ZFYVE27: variants seen among roughly 807,000 people sequenced by gnomAD.
ZFYVE27 encodes the protein protrudin.
Under a neutral mutation model 52.8 loss-of-function variants are expected in ZFYVE27, and 36 were observed. The ratio of observed to expected loss-of-function variants is 0.68; its 90% CI spans 0.52 to 0.90. The LOEUF (loss-of-function observed/expected upper bound fraction) is 0.90. Among genes scored for constraint, ZFYVE27 ranks in the 40% least tolerant of loss-of-function variants. The pLI, the probability that ZFYVE27 is intolerant of heterozygous loss-of-function variation, is 0.00. For missense variants in ZFYVE27, 450 were observed against 527.2 expected, an observed-to-expected ratio of 0.85 and a Z score of 1.43; for synonymous variants, 223 against 215.6, an observed-to-expected ratio of 1.03 and a Z score of -0.30.
At position 97,752,839 on chromosome 10, in the gene ZFYVE27, C is replaced by G. The variant is rs192276140; in HGVS notation, c.877-18C>G. 1 of 1,613,858 alleles carries G rather than the reference C, an allele frequency of 6.2e-7. No homozygotes were observed. The highest frequency in any genetic ancestry group is 1.1e-5 in the South Asian group (1 of 91,048). ...TTCTTTCTGTTTTCTCTCCTCTTCC[C>G]CGCACCTTGGGAGGCAGGAGACCCA... On this transcript the variant is annotated intron_variant, in intron 8 of 12. Coordinates refer to ENST00000684270, the MANE Select transcript of ZFYVE27 (RefSeq NM_001385875.1).
chr10:97,753,144 C>T lies in ZFYVE27; in HGVS notation c.1004C>T (p.Thr335Met). The T allele has an allele frequency of 6.2e-7, 1 of 1,611,920 alleles. No homozygotes were observed. The highest frequency in any genetic ancestry group is 8.5e-7 in the Non-Finnish European group (1 of 1,179,468). Residue 335 changes from threonine to methionine, a missense_variant, in exon 10 of 13, where the codon ACG (threonine) becomes ATG (methionine). Thr to Met is a moderately conservative substitution (Grantham distance 81). Transcript: ENST00000684270. ...EVLRSKVSRL[T>M]ERLRKRYPTN... The stretch of plus-strand genomic sequence containing the variant: ...CTGCGCAGCAAGGTGTCTCGGCTCA[C>T]GGAGCGGCTCCGCAAGCGCTACCCC...
chr10:97,744,937 G>T (rs767759555), intron 4 of ZFYVE27, 22 bp downstream of exon 4: 2 of 1,548,670 alleles, frequency 1.3e-6, no homozygotes, highest in East Asian at 4.8e-5. Context: ...AGAGAGGCCA[G>T]GGAGGTGGGG....
rs1345361925 is a variant in ZFYVE27 at position 97,753,018 on chromosome 10, G to A, written c.898-20G>A. Reference sequence around the variant, plus strand: ...AGCCTTGCAAGAGGTGGGCAGGACTGGAAGGAGCTGTTCCCACAGGAGGAT... The same window carrying A: ...AGCCTTGCAAGAGGTGGGCAGGACTAGAAGGAGCTGTTCCCACAGGAGGAT... On this transcript the variant is annotated intron_variant, in intron 9 of 12. Coordinates refer to ENST00000684270, the MANE Select transcript of ZFYVE27 (RefSeq NM_001385875.1). The A allele has an allele frequency of 1.2e-6, 2 of 1,612,660 alleles. No individual in the cohort carries two copies. Among genetic ancestry groups the A allele is most frequent in the Non-Finnish European group, 1.7e-6 (2 of 1,179,484 alleles).
At chr10:97,757,817 A>G (rs1175870659) in intron 12 of ZFYVE27, 94 bp downstream of exon 12, 1 of 1,315,634 alleles carries the variant, frequency 7.6e-7, no homozygotes, top group Non-Finnish European at 1.1e-6. Context: ...AGGTCAAGGG[A>G]ACTTGGGATT....
chr10:97,750,562 G>A, intron 7 of ZFYVE27, 92 bp downstream of exon 7: 3 of 1,559,736 alleles, frequency 1.9e-6, no homozygotes, highest in Non-Finnish European at 2.6e-6. Flanking sequence ...GGCCTCTGTT[G>A]TAGTTCCTGC....
chr10:97,738,834 A>G (rs1393317590), intron 2 of ZFYVE27, 160 bp downstream of exon 2: 2 of 758,766 alleles, frequency 2.6e-6, no homozygotes, highest in East Asian at 2.7e-5. Context: ...ATCTAGGCCT[A>G]CCCTGTGTCT....
At chr10:97,744,358 C>G (rs898439728) in intron 3 of ZFYVE27, among the ~76,000 whole-genome samples, 4 of 152,226 alleles carry the variant, frequency 2.6e-5, no homozygotes, top group African/African-American at 9.6e-5. Context: ...TGTCAGGCAT[C>G]AGGAGCTCCT....
In ZFYVE27 at chr10:97,759,491, AATG is replaced by A; in HGVS notation, c.*192_*194del. The A allele has an allele frequency of 1.5e-6, 1 of 675,892 alleles. No individual in the cohort carries two copies. The highest frequency in any genetic ancestry group is 1.6e-5 in the South Asian group (1 of 60,968). 41.9% of individuals were successfully genotyped at this position (675,892 alleles called of 1,614,324 possible). On this transcript the variant is annotated 3_prime_UTR_variant, in exon 13 of 13. Transcript: ENST00000684270. ...TTCTCCATCCATGAGAGTGGCTGGCAATGGCTGCTCTCAATCCCTTGAGGGAGA... is the reference window on the plus strand; with the variant it reads ...TTCTCCATCCATGAGAGTGGCTGGCAGCTGCTCTCAATCCCTTGAGGGAGA...
intron 2 of ZFYVE27, among the ~76,000 whole-genome samples, chr10:97,739,621 G>A (rs1362821955): frequency 6.6e-6 from 1 of 152,112 alleles, no homozygotes; most frequent in African/African-American, 2.4e-5. Flanking sequence ...CCTATACTCA[G>A]TTCATATTCC....
chr10:97,752,962 C>T (rs1441165293), intron 9 of ZFYVE27, 76 bp from the exon 10 acceptor site: 22 of 1,612,634 alleles, frequency 1.4e-5, no homozygotes, highest in East Asian at 4.5e-5. Context: ...TGGGGGCTGC[C>T]GCGCAGGATG....
At chr10:97,755,721 C>T (rs1160228134) in intron 10 of ZFYVE27, among the ~76,000 whole-genome samples, 2 of 152,158 alleles carry the variant, frequency 1.3e-5, no homozygotes, top group Admixed American at 6.5e-5. Context: ...TGAGGGCAGA[C>T]TGCAAAGGAG....
intron 1 of ZFYVE27, 113 bp from the exon 2 acceptor site, chr10:97,738,364 A>G: frequency 2.6e-6 from 3 of 1,136,658 alleles, no homozygotes; most frequent in Non-Finnish European, 4.0e-6. Context: ...AGGTCTGAAT[A>G]GTTCACTTTC....
chr10:97,740,413 C>G (rs1179270213), intron 2 of ZFYVE27, among the ~76,000 whole-genome samples: 1 of 152,220 alleles, frequency 6.6e-6, no homozygotes, highest in Non-Finnish European at 1.5e-5. Flanking sequence ...CTTTTATAAT[C>G]TCAGCATGAT....
At position 97,743,097 on chromosome 10, in the gene ZFYVE27, G is replaced by A. The variant is rs1564809025; in HGVS notation, c.201G>A (p.Trp67Ter). The A allele has an allele frequency of 6.2e-7, 1 of 1,614,210 alleles. No individual in the cohort carries two copies. The highest frequency in any genetic ancestry group is 2.2e-5 in the East Asian group (1 of 44,886). The change falls in exon 3 of 13, where the codon TGG (tryptophan) becomes TGA (stop). Residue 67 changes from tryptophan (W) to a stop codon, truncating the protein, a stop_gained. Transcript: ENST00000684270. LOFTEE classifies it high-confidence loss of function. ...ATCAGGACTCTCTGTATTGTAGGTG[G>A]CAGATGCCTTTGTGTTCCTTGCTGA... ...AGDGVRYLLR[W>*]QMPLCSLLTC...
In ZFYVE27 at chr10:97,759,606, G is replaced by A; in HGVS notation, c.*306G>A. The stretch of plus-strand genomic sequence containing the variant: ...AGGGCTGGGCAGGCAGTAGCCACCA[G>A]AGGGCAGCAGCGAACTAGGCCAGGC... On this transcript the variant is annotated 3_prime_UTR_variant, in exon 13 of 13. Coordinates refer to ENST00000684270, the MANE Select transcript of ZFYVE27 (RefSeq NM_001385875.1). 2.2e-6 allele frequency: 1 copy of A among 465,080 alleles called. No homozygotes were observed. Among genetic ancestry groups the A allele is most frequent in the Non-Finnish European group, 4.0e-6 (1 of 250,776 alleles). 28.8% of individuals were successfully genotyped at this position (465,080 alleles called of 1,614,324 possible).
At chr10:97,750,795 C>T (rs2046766725) in intron 7 of ZFYVE27, among the ~76,000 whole-genome samples, 1 of 150,442 alleles carries the variant, frequency 6.6e-6, no homozygotes, top group Non-Finnish European at 1.5e-5. Flanking sequence ...GGCTAGAGGG[C>T]AGTGGGGCAA....
chr10:97,738,873 G>A (rs957147582), intron 2 of ZFYVE27, 199 bp downstream of exon 2: 1 of 619,200 alleles, frequency 1.6e-6, no homozygotes, highest in African/African-American at 1.8e-5. Context: ...GGCAGATACT[G>A]GGAATGATCC....
In ZFYVE27 at chr10:97,757,654, A is replaced by G; in HGVS notation, c.1102A>G (p.Asn368Asp). The G allele has an allele frequency of 6.2e-7, 1 of 1,614,190 alleles. No homozygotes were observed. The highest frequency in any genetic ancestry group is 1.1e-5 in the South Asian group (1 of 91,082). ...CTCTTGTCTGCAGCGGAGCTGCAGT[A>G]ATTGTGGAAACAGCTTCTGCTCTCG... ...SVLKKRRSCS[N>D]CGNSFCSRCC... Residue 368 changes from asparagine (N) to aspartate (D), a missense_variant, in exon 12 of 13, where the codon AAT becomes GAT. Coordinates refer to ENST00000684270, the MANE Select transcript of ZFYVE27 (RefSeq NM_001385875.1).
In ZFYVE27 at chr10:97,759,617, C is replaced by T. The variant is rs553215910; in HGVS notation, c.*317C>T. On this transcript the variant is annotated 3_prime_UTR_variant, in exon 13 of 13. Transcript: ENST00000684270. ...GGCAGTAGCCACCAGAGGGCAGCAG[C>T]GAACTAGGCCAGGCCTGACTGGGGT... The T allele has an allele frequency of 5.4e-5, 24 of 443,618 alleles. No individual in the cohort carries two copies. The highest frequency in any genetic ancestry group is 2.0e-4 in the Admixed American group (6 of 29,292). 27.5% of individuals were successfully genotyped at this position (443,618 alleles called of 1,614,324 possible).
Sources: gnomAD v4.1 joint callset for allele counts (sites outside exome capture counted in the v4.1 genomes callset) on GRCh38, gnomAD v4.1.1 for gene constraint, MANE v1.5 for transcripts, NCBI Gene and HGNC (gene_info 2026-07-23, HGNC 2026-07-21) for gene names.